The following F7 variants were observed in gnomAD, a reference collection of about 807,000 sequenced individuals.
F7 encodes coagulation factor VII.
F7 carries 38 observed loss-of-function variants against 47.5 expected under a neutral mutation model. The ratio of observed to expected loss-of-function variants is 0.80; its 90% CI spans 0.62 to 1.05. The LOEUF is 1.05. Among genes scored for constraint, F7 ranks in the 50% least tolerant of loss-of-function variants. The probability of loss-of-function intolerance (pLI) is 0.00; values close to 1 mark genes in which losing one functional copy is unlikely to be tolerated. For synonymous variants in F7, 244 were observed against 258.5 expected (o/e 0.94, Z 0.54); for missense variants, 575 against 605.4 (o/e 0.95, Z 0.53).
rs2142212748 is a variant in F7, at chr13:113,110,845, A to G, written c.220A>G (p.Arg74Gly). 2 of 1,559,382 alleles carry G rather than the reference A, an allele frequency of 1.3e-6. No individual in the cohort carries two copies. The highest frequency in any genetic ancestry group is 1.7e-6 in the Non-Finnish European group (2 of 1,152,432). The stretch of plus-strand genomic sequence containing the variant: ...CCGGGAGATCTTCAAGGACGCGGAG[A>G]GGACGGTGAGCCCAGCCTCGGGGCG... ...EAREIFKDAE[R>G]TKLFWISYSD... Residue 74 changes from arginine (R) to glycine (G), a missense_variant, in exon 2 of 8, where the codon AGG becomes GGG. Coordinates refer to ENST00000346342, the MANE Select transcript of F7 (RefSeq NM_019616.4).
In F7 at chr13:113,118,940, G is replaced by A. The variant is rs3093248; in HGVS notation, c.1267G>A (p.Glu423Lys). Reference sequence around the variant, plus strand: ...GTACACCAGGGTCTCCCAGTACATCGAGTGGCTGCAAAAGCTCATGCGCTC... The same window carrying A: ...GTACACCAGGGTCTCCCAGTACATCAAGTGGCTGCAAAAGCTCATGCGCTC... The part of the protein sequence containing the change: ...GVYTRVSQYI[E>K]WLQKLMRSEP... The change falls in exon 8 of 8, where the codon GAG becomes AAG. Residue 423 changes from glutamate (E) to lysine (K), a missense_variant. Physicochemically the swap from Glu to Lys is moderately conservative, Grantham distance 56. Transcript: ENST00000346342. 334 of 1,609,632 alleles carry A rather than the reference G, an allele frequency of 2.1e-4. 1 individual carries two copies. The African/African-American group carries it at 3.9e-3, about 19-fold the overall frequency.
chr13:113,108,643 T>C (rs2036020390), intron 1 of F7, among the ~76,000 whole-genome samples: 1 of 111,924 alleles, frequency 8.9e-6, no homozygotes, highest in African/African-American at 3.9e-5. Flanking sequence ...GGGGCGTGGG[T>C]GTCCCGGGAG....
chr13:113,110,444 C>T, intron 1 of F7: 1 of 471,354 alleles, frequency 2.1e-6, no homozygotes, highest in Non-Finnish European at 3.7e-6. Flanking sequence ...CCGCGCGTGC[C>T]CCCGAGCGCG....
intron 2 of F7, among the ~76,000 whole-genome samples, chr13:113,112,077 C>CAG: frequency 6.7e-6 from 1 of 148,296 alleles, no homozygotes; most frequent in Non-Finnish European, 1.5e-5. Flanking sequence ...TTCACACTCA[C>CAG]AGGTCACCTC....
At position 113,119,530 on chromosome 13, in the gene F7, CAG is replaced by C. The variant is rs768906862; in HGVS notation, c.*526_*527del. The C allele has an allele frequency of 7.7e-5, 14 of 182,906 alleles. No homozygotes were observed. Among genetic ancestry groups the C allele is most frequent in the Non-Finnish European group, 1.3e-4 (11 of 86,940 alleles). The allele number at this position is 182,906 out of a possible 1,614,324, so 11.3% of individuals were successfully genotyped here. ...ACGGATGCACACACAGATGGTCACACAGAGATACGCAAACACACCGATGCACA... is the reference window on the plus strand; with the variant it reads ...ACGGATGCACACACAGATGGTCACACAGATACGCAAACACACCGATGCACA... On this transcript the variant is annotated 3_prime_UTR_variant, in exon 8 of 8. Coordinates refer to ENST00000346342, the MANE Select transcript of F7 (RefSeq NM_019616.4).
Position 113,119,158 on chromosome 13 carries a change from GAGAC to G in F7, c.*154_*157del. ...AGGGAGACAGAGACAGAAACAGAGAGAGACAGAGACAGAGAGAGACTGAGGGAGA... is the reference window on the plus strand; with the variant it reads ...AGGGAGACAGAGACAGAAACAGAGAGAGAGACAGAGAGAGACTGAGGGAGA... On this transcript the variant is annotated 3_prime_UTR_variant, in exon 8 of 8. Coordinates refer to ENST00000346342, the MANE Select transcript of F7 (RefSeq NM_019616.4). 1 of 676,462 alleles carries G rather than the reference GAGAC, an allele frequency of 1.5e-6. No homozygotes were observed. The highest frequency in any genetic ancestry group is 2.5e-6 in the Non-Finnish European group (1 of 396,354). 41.9% of individuals were successfully genotyped at this position (676,462 alleles called of 1,614,324 possible).
At position 113,119,348 on chromosome 13, in the gene F7, T is replaced by C. The variant is rs545497651; in HGVS notation, c.*340T>C. 2.7e-4 allele frequency: 93 copies of C among 350,216 alleles called. 2 individuals carry two copies. Among genetic ancestry groups the C allele is most frequent in the Non-Finnish European group, 4.0e-4 (76 of 189,262 alleles). The allele number at this position is 350,216 out of a possible 1,614,324, so 21.7% of individuals were successfully genotyped here. A position where few individuals can be genotyped will look rare whatever the true frequency, so the allele number is the denominator to read the frequency against. On this transcript the variant is annotated 3_prime_UTR_variant, in exon 8 of 8. Coordinates refer to ENST00000346342, the MANE Select transcript of F7 (RefSeq NM_019616.4). ...TTGTCCTGGAGGCAGACAGCCCAGC[T>C]GAGCCTCCTTACCTCCCTTCAGCCA...
intron 2 of F7, among the ~76,000 whole-genome samples, chr13:113,112,406 CCAT>C: frequency 6.8e-6 from 1 of 146,156 alleles, no homozygotes. Flanking sequence ...CCACAGGTCA[CCAT>C]ACCTCACACA....
Position 113,118,954 on chromosome 13 carries a change from G to T in F7, c.1281G>T (p.Lys427Asn). 1 of 1,606,556 alleles carries T rather than the reference G, an allele frequency of 6.2e-7. No individual in the cohort carries two copies. The highest frequency in any genetic ancestry group is 8.5e-7 in the Non-Finnish European group (1 of 1,179,944). The change falls in exon 8 of 8, where the codon AAG (lysine) becomes AAT (asparagine). Residue 427 changes from lysine to asparagine, a missense_variant. Lys to Asn is a moderately conservative substitution (Grantham distance 94). Coordinates refer to ENST00000346342, the MANE Select transcript of F7 (RefSeq NM_019616.4). The stretch of plus-strand genomic sequence containing the variant: ...CCCAGTACATCGAGTGGCTGCAAAA[G>T]CTCATGCGCTCAGAGCCACGCCCAG... ...RVSQYIEWLQ[K>N]LMRSEPRPGV...
chr13:113,106,273 C>T (rs895956815), intron 1 of F7, among the ~76,000 whole-genome samples: 4 of 70,528 alleles, frequency 5.7e-5, no homozygotes, highest in East Asian at 8.4e-4. Context: ...AGGTAGGGGA[C>T]GGTGCGTGGG....
At chr13:113,109,392 G>A (rs1595070676) in intron 1 of F7, among the ~76,000 whole-genome samples, 1 of 152,072 alleles carries the variant, frequency 6.6e-6, no homozygotes, top group African/African-American at 2.4e-5. Flanking sequence ...TGGTGTCCCC[G>A]CCTGCATCCT....
chr13:113,106,781 G>A, intron 1 of F7: 1 of 1,495,880 alleles, frequency 6.7e-7, no homozygotes, highest in African/African-American at 1.4e-5. Flanking sequence ...CAGTGCCTGG[G>A]ATGTGGGGCT....
At position 113,116,760 on chromosome 13, in the gene F7, A is replaced by G; in HGVS notation, c.506-6A>G. The G allele has an allele frequency of 6.3e-7, 1 of 1,597,944 alleles. No homozygotes were observed. The highest frequency in any genetic ancestry group is 8.6e-7 in the Non-Finnish European group (1 of 1,165,408). On this transcript the variant is annotated splice_region_variant and splice_polypyrimidine_tract_variant and intron_variant, in intron 5 of 7. Coordinates refer to ENST00000346342, the MANE Select transcript of F7 (RefSeq NM_019616.4). ...TCTGCATCTTTCTGACTTTTGTTTT[A>G]CACAGTTGAATATCCATGTGGAAAA...
intron 6 of F7, among the ~76,000 whole-genome samples, chr13:113,117,265 G>A (rs1053217055): frequency 2.6e-5 from 4 of 152,356 alleles, no homozygotes; most frequent in Middle Eastern, 3.4e-3. Flanking sequence ...TTCTTGGGCC[G>A]TGCCCAAGAG....
rs756130311 is a variant in F7 at position 113,118,376 on chromosome 13, T to A, written c.740-37T>A. 4.5e-6 allele frequency: 7 copies of A among 1,558,874 alleles called. No homozygotes were observed. The African/African-American group carries it at 9.4e-5, about 21-fold the overall frequency. ...ATGCACCAGGGGGTGAGGTGGCAGG[T>A]GGTGGAAAGGGCCTGAGGGGGGCTT... On this transcript the variant is annotated intron_variant, in intron 7 of 7. Transcript: ENST00000346342.
intron 7 of F7, among the ~76,000 whole-genome samples, chr13:113,117,962 TAA>T (rs1321409737): frequency 2.6e-5 from 4 of 152,152 alleles, no homozygotes; most frequent in Non-Finnish European, 4.4e-5. Flanking sequence ...AATAAAACGA[TAA>T]AAGACTGGGG....
At chr13:113,106,314 G>A (rs565325498) in intron 1 of F7, among the ~76,000 whole-genome samples, 13 of 64,942 alleles carry the variant, frequency 2.0e-4, no homozygotes, top group African/African-American at 9.6e-4. Flanking sequence ...GGGATGGGGT[G>A]TGGGAAACGG....
In F7 at chr13:113,110,399, C is replaced by G. The variant is rs1242814510; in HGVS notation, c.65-291C>G. ...GCATCGACCCGCAGCCTCACGTTTA[C>G]GCGGCGGCGCCCGCAGCCCCCTTCG... On this transcript the variant is annotated intron_variant, in intron 1 of 7. Transcript: ENST00000346342. 1.1e-5 allele frequency: 4 copies of G among 373,928 alleles called. No individual in the cohort carries two copies. In the East Asian group the frequency reaches 2.2e-4, roughly 21 times the overall value. The allele number at this position is 373,928 out of a possible 1,614,324, so 23.2% of individuals were successfully genotyped here.
intron 1 of F7, among the ~76,000 whole-genome samples, chr13:113,107,939 TGTGGGTGTCCCGGGGG>T (rs2036000833): frequency 7.2e-5 from 4 of 55,718 alleles, no homozygotes; most frequent in Non-Finnish European, 7.3e-5. Flanking sequence ...GTCCCGGGGG[TGTGGGTGTCCCGGGGG>T]CGTGGGTGTC....
Sources: allele counts gnomAD v4.1 joint callset (sites outside exome capture counted in the v4.1 genomes callset), GRCh38; gene constraint gnomAD v4.1.1; transcripts MANE v1.5; gene names NCBI Gene and HGNC (gene_info 2026-07-23, HGNC 2026-07-21).